KSR2: variants seen among roughly 807,000 people sequenced by gnomAD.
The protein encoded by KSR2 is kinase suppressor of ras 2.
Under a neutral mutation model 107.8 loss-of-function variants are expected in KSR2, and 25 were observed. That is an observed-to-expected ratio of 0.23 (90% CI 0.17 to 0.32). The LOEUF (loss-of-function observed/expected upper bound fraction) is 0.32, where lower values mean the gene tolerates loss of function less well. Ranked by LOEUF, KSR2 falls within the 10% of genes least tolerant of loss-of-function variation. The pLI is 1.00. For synonymous variants in KSR2, 480 were observed against 507.0 expected (o/e 0.95, Z 0.71); for missense variants, 887 against 1,268.9 (o/e 0.70, Z 4.57).
At chr12:117,854,788 C>T (rs914423092) in intron 3 of KSR2, among the ~76,000 whole-genome samples, 20 of 151,090 alleles carry the variant, frequency 1.3e-4, no homozygotes, top group African/African-American at 4.6e-4. Context: ...GGTATCTGAG[C>T]AATTAATGGA....
intron 13 of KSR2, 85 bp downstream of exon 13, chr12:117,526,986 T>C: frequency 8.8e-7 from 1 of 1,140,568 alleles, no homozygotes; most frequent in Non-Finnish European, 1.3e-6. Flanking sequence ...CCCCAAGCCC[T>C]CTGCGTCATC....
At chr12:117,874,113 C>A (rs1368445338) in intron 1 of KSR2, among the ~76,000 whole-genome samples, 1 of 152,238 alleles carries the variant, frequency 6.6e-6, no homozygotes, top group Non-Finnish European at 1.5e-5. Flanking sequence ...GGGAAAGGCA[C>A]TGACCCTTCT....
intron 1 of KSR2, among the ~76,000 whole-genome samples, chr12:117,886,769 TACAC>T (rs1452886898): frequency 6.6e-6 from 1 of 152,162 alleles, no homozygotes; most frequent in Non-Finnish European, 1.5e-5. Flanking sequence ...ACAATATACA[TACAC>T]ACATATAGAT....
chr12:117,602,686 C>T (rs766022900), intron 5 of KSR2, among the ~76,000 whole-genome samples: 93 of 152,266 alleles, frequency 6.1e-4, no homozygotes, highest in Non-Finnish European at 1.0e-3. Flanking sequence ...TACCTTTTTG[C>T]TATTATGAAT....
intron 1 of KSR2, among the ~76,000 whole-genome samples, chr12:117,963,010 T>C (rs1423842566): frequency 1.3e-5 from 2 of 151,230 alleles, no homozygotes; most frequent in East Asian, 4.0e-4. Flanking sequence ...TAGGCTGGTC[T>C]GAAACCCTGT....
chr12:117,626,230 T>C (rs1050635064), intron 5 of KSR2, among the ~76,000 whole-genome samples: 1 of 152,182 alleles, frequency 6.6e-6, no homozygotes, highest in African/African-American at 2.4e-5. Flanking sequence ...TCTTAGTTAT[T>C]TCTTGTCTTC....
chr12:117,895,231 T>C (rs979573345), intron 1 of KSR2, among the ~76,000 whole-genome samples: 12 of 152,010 alleles, frequency 7.9e-5, no homozygotes, highest in African/African-American at 2.9e-4. Context: ...CAAGATCCTG[T>C]CTCTAAGTAT....
Position 117,460,155 on chromosome 12 carries a change from G to T in KSR2, c.*7044C>A, listed in dbSNP as rs1241245392. The T allele has an allele frequency of 1.3e-5, 2 of 152,238 alleles. No homozygotes were observed. Among genetic ancestry groups the T allele is most frequent in the Non-Finnish European group, 2.9e-5 (2 of 68,044 alleles). 9.4% of individuals were successfully genotyped at this position (152,238 alleles called of 1,614,324 possible). ...ATGGAATGAAAGGTCTATGGGACAT[G>T]CTTGGGAAACAAGGTCTTATTTAGA... On this transcript the variant is annotated 3_prime_UTR_variant, in exon 20 of 20. Coordinates refer to ENST00000339824, the MANE Select transcript of KSR2 (RefSeq NM_173598.6).
chr12:117,531,789 C>T, intron 10 of KSR2, 82 bp from the exon 11 acceptor site: 1 of 997,480 alleles, frequency 1.0e-6, no homozygotes, highest in African/African-American at 1.7e-5. Context: ...TTACAGCCAC[C>T]ACATGGTCAT....
rs1870914595 is a variant in KSR2, at chr12:117,461,899, A to G, written c.*5300T>C. On this transcript the variant is annotated 3_prime_UTR_variant, in exon 20 of 20. Coordinates refer to ENST00000339824, the MANE Select transcript of KSR2 (RefSeq NM_173598.6). The stretch of plus-strand genomic sequence containing the variant: ...TCAAAATCCACTCCTTTGTCAATGA[A>G]CAAGAGTATAGATAAAATCAGATGC... 6.6e-6 allele frequency: 1 copy of G among 152,254 alleles called. No homozygotes were observed. 9.4% of individuals were successfully genotyped at this position (152,254 alleles called of 1,614,324 possible).
chr12:117,908,652 C>T (rs1894924588), intron 1 of KSR2, among the ~76,000 whole-genome samples: 1 of 152,144 alleles, frequency 6.6e-6, no homozygotes, highest in Admixed American at 6.6e-5. Context: ...TGAAATCATA[C>T]AACTGCAAGA....
At chr12:117,609,631 T>C (rs1328537722) in intron 5 of KSR2, among the ~76,000 whole-genome samples, 1 of 152,212 alleles carries the variant, frequency 6.6e-6, no homozygotes, top group Admixed American at 6.5e-5. Context: ...TTTTGTGTTG[T>C]CTGTGGCTGC....
At chr12:117,950,749 A>ATAAATAATAATAATAATAAT (rs60499991) in intron 1 of KSR2, among the ~76,000 whole-genome samples, 20 of 132,148 alleles carry the variant, frequency 1.5e-4, no homozygotes, top group African/African-American at 5.8e-4. Flanking sequence ...AAAAAAAAAA[A>ATAAATAATAATAATAATAAT]AATAATAATA....
chr12:117,531,379 T>A (rs1054818323), intron 11 of KSR2, among the ~76,000 whole-genome samples: 4 of 152,290 alleles, frequency 2.6e-5, no homozygotes, highest in Middle Eastern at 6.8e-3. Flanking sequence ...TATGACCATC[T>A]CTTTCCTGCC....
At chr12:117,524,715 C>T (rs1187170383) in intron 14 of KSR2, 137 bp downstream of exon 14, 25 of 1,079,530 alleles carry the variant, frequency 2.3e-5, no homozygotes, top group Non-Finnish European at 3.2e-5. Flanking sequence ...AATCTTAAAC[C>T]ATGTAAGTAA....
chr12:117,610,914 CTAGTG>C, intron 5 of KSR2, among the ~76,000 whole-genome samples: 1 of 152,138 alleles, frequency 6.6e-6, no homozygotes, highest in Admixed American at 6.5e-5. Context: ...ATTAAGAACT[CTAGTG>C]AAACTACTTC....
chr12:117,544,252 C>A (rs1876699286), intron 9 of KSR2, among the ~76,000 whole-genome samples: 1 of 152,108 alleles, frequency 6.6e-6, no homozygotes, highest in Non-Finnish European at 1.5e-5. Context: ...AAAGTATTTC[C>A]ATTTTGTTCA....
intron 4 of KSR2, among the ~76,000 whole-genome samples, chr12:117,692,460 A>G (rs1885859706): frequency 3.8e-4 from 1 of 2,652 alleles, no homozygotes; most frequent in Non-Finnish European, 6.2e-4. Flanking sequence ...ATATATATAT[A>G]TATATATATA....
chr12:117,557,991 A>T (rs1877825085), intron 8 of KSR2, among the ~76,000 whole-genome samples: 1 of 152,136 alleles, frequency 6.6e-6, no homozygotes, highest in Non-Finnish European at 1.5e-5. Context: ...CGGCTCTCCC[A>T]GGGCTGCTAC....
Sources: gnomAD v4.1 joint callset for allele counts (sites outside exome capture counted in the v4.1 genomes callset) on GRCh38, gnomAD v4.1.1 for gene constraint, MANE v1.5 for transcripts, NCBI Gene and HGNC (gene_info 2026-07-23, HGNC 2026-07-21) for gene names.